MYB: variants seen among roughly 807,000 people sequenced by gnomAD.
The protein encoded by MYB is transcriptional activator Myb.
In MYB, 28 loss-of-function variants were observed where a neutral mutation model predicts 92.9. The ratio of observed to expected loss-of-function variants is 0.30; its 90% CI spans 0.22 to 0.41. The LOEUF (loss-of-function observed/expected upper bound fraction) is 0.41, where lower values mean the gene tolerates loss of function less well. Ranked by LOEUF, MYB falls within the 10% of genes least tolerant of loss-of-function variation. The probability of loss-of-function intolerance (pLI) is 1.00; values close to 1 mark genes in which losing one functional copy is unlikely to be tolerated. For missense variants in MYB, 679 were observed against 929.3 expected (o/e 0.73, Z 3.50); for synonymous variants, 295 against 329.1 (o/e 0.90, Z 1.12).
chr6:135,214,106 C>G (rs1780103787), intron 15 of MYB, among the ~76,000 whole-genome samples: 2 of 151,904 alleles, frequency 1.3e-5, no homozygotes, highest in Non-Finnish European at 2.9e-5. Context: ...GACCCCCGCT[C>G]TCTACAAAAA....
chr6:135,217,616 A>G (rs1780634691), intron 15 of MYB, among the ~76,000 whole-genome samples: 1 of 152,198 alleles, frequency 6.6e-6, no homozygotes, highest in African/African-American at 2.4e-5. Flanking sequence ...GGAAGGCATT[A>G]AAATATGAAG....
At chr6:135,195,153 C>T (rs1777134263) in intron 8 of MYB, 1 of 1,120,838 alleles carries the variant, frequency 8.9e-7, no homozygotes, top group Non-Finnish European at 1.1e-6. Context: ...CTAGTTCGAC[C>T]ACTTTTTAAC....
intron 7 of MYB, 119 bp from the exon 8 acceptor site, chr6:135,194,237 G>A: frequency 1.4e-6 from 1 of 732,178 alleles, no homozygotes; most frequent in Non-Finnish European, 2.2e-6. Context: ...GGTTGGTGGT[G>A]TTGTCACAGT....
chr6:135,183,857 A>C (rs1775524155), intron 1 of MYB, among the ~76,000 whole-genome samples: 1 of 152,212 alleles, frequency 6.6e-6, no homozygotes, highest in African/African-American at 2.4e-5. Context: ...TTAGCGCTGG[A>C]AAGTACCTTA....
Position 135,181,712 on chromosome 6 carries a change from G to T in MYB, c.23+176G>T, listed in dbSNP as rs1238660800. ...AAGCCGCTCCAGAGACTGATGAATGGAAGAGTCTTTGCGGGAAATGTATCC... is the reference window on the plus strand; with the variant it reads ...AAGCCGCTCCAGAGACTGATGAATGTAAGAGTCTTTGCGGGAAATGTATCC... On this transcript the variant is annotated intron_variant, in intron 1 of 15. Transcript: ENST00000341911. This position sits in a 1 kb window ranked among gnomAD's most constrained non-coding sequence, Gnocchi z 5.3. Among the ~76,000 whole-genome samples, 1 of 152,238 alleles carries T rather than the reference G, an allele frequency of 6.6e-6. No individual in the cohort carries two copies. The highest frequency in any genetic ancestry group is 2.4e-5 in the African/African-American group (1 of 41,468).
chr6:135,208,574 T>G, intron 15 of MYB, among the ~76,000 whole-genome samples: 2 of 140,122 alleles, frequency 1.4e-5, no homozygotes, highest in African/African-American at 2.7e-5. Flanking sequence ...AGAGATGGGG[T>G]CTCCCTGTGT....
intron 15 of MYB, among the ~76,000 whole-genome samples, chr6:135,210,507 G>A (rs1261599321): frequency 1.3e-5 from 2 of 152,182 alleles, no homozygotes; most frequent in African/African-American, 4.8e-5. Flanking sequence ...TTTCGGTTCA[G>A]CGTGTTTTAG....
chr6:135,212,841 T>G (rs749467523), intron 15 of MYB, among the ~76,000 whole-genome samples: 1 of 152,334 alleles, frequency 6.6e-6, no homozygotes, highest in East Asian at 1.9e-4. Flanking sequence ...TATTTAAAAA[T>G]GTTCTTCCAG....
At chr6:135,189,185 A>G (rs1246603326) in intron 3 of MYB, among the ~76,000 whole-genome samples, 1 of 152,230 alleles carries the variant, frequency 6.6e-6, no homozygotes, top group African/African-American at 2.4e-5. Flanking sequence ...CCTCCTAAGA[A>G]GATGCTTCTC....
Position 135,195,884 on chromosome 6 carries a change from G to C in MYB, c.1085G>C (p.Gly362Ala). The C allele has an allele frequency of 6.2e-7, 1 of 1,614,076 alleles. No individual in the cohort carries two copies. The highest frequency in any genetic ancestry group is 8.5e-7 in the Non-Finnish European group (1 of 1,180,014). ...HSTPSLPADP[G>A]SLPEESASPA... ...ACTCCATCTCTGCCAGCGGATCCTG[G>C]CTCCCTACCTGAAGAAAGCGCCTCG... The change falls in exon 9 of 16, where the codon GGC becomes GCC. Residue 362 changes from glycine to alanine, a missense_variant. Gly to Ala is a moderately conservative substitution (Grantham distance 60). Transcript: ENST00000341911.
chr6:135,181,953 G>A lies in MYB; in HGVS notation c.23+417G>A, dbSNP rs1348276320. Among the ~76,000 whole-genome samples the A allele has an allele frequency of 1.3e-5, 2 of 152,232 alleles. No individual in the cohort carries two copies. The highest frequency in any genetic ancestry group is 4.8e-5 in the African/African-American group (2 of 41,464). On this transcript the variant is annotated intron_variant, in intron 1 of 15. Coordinates refer to ENST00000341911, the MANE Select transcript of MYB (RefSeq NM_001130173.2). The surrounding 1 kb of genome is among the most constrained non-coding windows in gnomAD (Gnocchi z 5.3). ...TTGAGATATGTTTGGACTTGGAAGT[G>A]CAGAGCATATGGCAGATACAGGGAA...
chr6:135,210,469 G>A (rs537879269), intron 15 of MYB, among the ~76,000 whole-genome samples: 1 of 152,320 alleles, frequency 6.6e-6, no homozygotes, highest in East Asian at 1.9e-4. Context: ...ATTTAAAAAT[G>A]TTGCTAGCAG....
Position 135,190,421 on chromosome 6 carries a change from A to G in MYB, c.527+74A>G. ...GTATTGAACATTCTGCTTTAAATGT[A>G]TGGTGAGTAAATTATATTTCATCAG... On this transcript the variant is annotated intron_variant, in intron 5 of 15. Coordinates refer to ENST00000341911, the MANE Select transcript of MYB (RefSeq NM_001130173.2). The surrounding 1 kb of genome is among the most constrained non-coding windows in gnomAD (Gnocchi z 4.5). 4.5e-6 allele frequency: 5 copies of G among 1,110,676 alleles called. No homozygotes were observed. The highest frequency in any genetic ancestry group is 2.1e-5 in the Admixed American group (1 of 47,486). 68.8% of individuals were successfully genotyped at this position (1,110,676 alleles called of 1,614,324 possible).
chr6:135,198,825 G>T lies in MYB; in HGVS notation c.1567-83G>T. ...TATAGTGGGTCAGGAAAACATTCTT[G>T]TTATCTAGGTGTGATTTTTAAATTG... On this transcript the variant is annotated intron_variant, in intron 10 of 15. Transcript: ENST00000341911. 4 of 1,109,534 alleles carry T rather than the reference G, an allele frequency of 3.6e-6. No individual in the cohort carries two copies. The South Asian group carries it at 4.8e-5, about 13-fold the overall frequency. 68.7% of individuals were successfully genotyped at this position (1,109,534 alleles called of 1,614,324 possible). A position where few individuals can be genotyped will look rare whatever the true frequency, so the allele number is the denominator to read the frequency against.
intron 3 of MYB, among the ~76,000 whole-genome samples, chr6:135,188,269 C>T (rs1456155265): frequency 4.6e-5 from 7 of 152,062 alleles, no homozygotes; most frequent in Non-Finnish European, 8.8e-5. Flanking sequence ...AATAGCAATA[C>T]TTTTGGCACC....
intron 8 of MYB, chr6:135,194,737 G>C (rs1235777952): frequency 2.6e-5 from 15 of 582,228 alleles, no homozygotes; most frequent in Non-Finnish European, 4.3e-5. Context: ...TCAGTTTAAA[G>C]ACTAGCAAAG....
chr6:135,212,961 T>G (rs1779948327), intron 15 of MYB, among the ~76,000 whole-genome samples: 1 of 152,248 alleles, frequency 6.6e-6, no homozygotes. Flanking sequence ...TTCTTTTTTT[T>G]TGTACCAAAG....
At position 135,181,558 on chromosome 6, in the gene MYB, G is replaced by A. The variant is rs1775031062; in HGVS notation, c.23+22G>A. Reference sequence around the variant, plus strand: ...ACAGGTAACGGGGAGCCGGGCGGGCGGCCGAGGGCGGGGGCGCGCGGGGGC... The same window carrying A: ...ACAGGTAACGGGGAGCCGGGCGGGCAGCCGAGGGCGGGGGCGCGCGGGGGC... On this transcript the variant is annotated intron_variant, in intron 1 of 15. Transcript: ENST00000341911. The surrounding 1 kb of genome is among the most constrained non-coding windows in gnomAD (Gnocchi z 5.3). 1.7e-6 allele frequency: 2 copies of A among 1,159,680 alleles called. No homozygotes were observed. 71.8% of individuals were successfully genotyped at this position (1,159,680 alleles called of 1,614,324 possible). A position where few individuals can be genotyped will look rare whatever the true frequency, so the allele number is the denominator to read the frequency against.
At chr6:135,216,175 AC>A (rs1474586393) in intron 15 of MYB, among the ~76,000 whole-genome samples, 1 of 152,070 alleles carries the variant, frequency 6.6e-6, no homozygotes, top group African/African-American at 2.4e-5. Context: ...CAAATCTCAT[AC>A]CATCTTCATG....
Sources: gnomAD v4.1 joint callset for allele counts (sites outside exome capture counted in the v4.1 genomes callset) on GRCh38, gnomAD v4.1.1 for gene constraint, Gnocchi (gnomAD v3.1) non-coding constraint, MANE v1.5 for transcripts, NCBI Gene and HGNC (gene_info 2026-07-23, HGNC 2026-07-21) for gene names.